CLOCK: variants seen among roughly 807,000 people sequenced by gnomAD.
CLOCK encodes the protein circadian locomoter output cycles protein kaput.
A neutral mutation model predicts 118.4 loss-of-function variants in CLOCK; 43 were observed. That is an observed-to-expected ratio of 0.36 (90% CI 0.28 to 0.47). The LOEUF is 0.47. Ranked by LOEUF, CLOCK falls within the 20% of genes least tolerant of loss-of-function variation. The pLI, the probability that CLOCK is intolerant of heterozygous loss-of-function variation, is 1.00. For synonymous variants in CLOCK, 326 were observed against 339.2 expected (o/e 0.96, Z 0.43); for missense variants, 846 against 999.9 (o/e 0.85, Z 2.08).
At chr4:55,506,810 C>T (rs996256292) in intron 2 of CLOCK, among the ~76,000 whole-genome samples, 6 of 152,146 alleles carry the variant, frequency 3.9e-5, no homozygotes, top group African/African-American at 1.2e-4. Context: ...ATCCACCCAC[C>T]TCGGCCTTCC....
At chr4:55,522,177 A>G (rs1729885205) in intron 1 of CLOCK, among the ~76,000 whole-genome samples, 1 of 152,174 alleles carries the variant, frequency 6.6e-6, no homozygotes, top group Admixed American at 6.6e-5. Context: ...TTTTAGAAGA[A>G]AACACACAAT....
chr4:55,463,772 T>A lies in CLOCK; in HGVS notation c.472A>T (p.Ile158Phe), dbSNP rs1725534885. 1 of 1,611,636 alleles carries A rather than the reference T, an allele frequency of 6.2e-7. No homozygotes were observed. Among genetic ancestry groups the A allele is most frequent in the Non-Finnish European group, 8.5e-7 (1 of 1,178,308 alleles). ...DLVDQSIFNF[I>F]PEGEHSEVYK... ...ACCTCTGAATGTTCCCCTTCTGGGATAAAATTAAATATACTTTGATCCACA... is the reference window on the plus strand; with the variant it reads ...ACCTCTGAATGTTCCCCTTCTGGGAAAAAATTAAATATACTTTGATCCACA... The change falls in exon 9 of 23, where the codon ATC becomes TTC. Residue 158 changes from isoleucine (I) to phenylalanine (F), a missense_variant. Physicochemically the swap from Ile to Phe is conservative, Grantham distance 21 (BLOSUM62 0). This residue lies in a region of CLOCK where 246 missense variants were observed against 300.2 expected (regional missense o/e 0.82). Transcript: ENST00000513440.
intron 8 of CLOCK, among the ~76,000 whole-genome samples, chr4:55,467,544 G>A (rs1214191649): frequency 6.6e-6 from 1 of 152,192 alleles, no homozygotes; most frequent in East Asian, 1.9e-4. Flanking sequence ...TGAACACATT[G>A]CAAATGATGC....
intron 2 of CLOCK, among the ~76,000 whole-genome samples, chr4:55,497,671 G>T (rs1553899271): frequency 6.6e-6 from 1 of 152,140 alleles, no homozygotes; most frequent in Non-Finnish European, 1.5e-5. Context: ...TAATGTGTAT[G>T]ACAATTCAGG....
At chr4:55,494,809 G>GA (rs1288920525) in intron 2 of CLOCK, among the ~76,000 whole-genome samples, 1 of 152,160 alleles carries the variant, frequency 6.6e-6, no homozygotes, top group Non-Finnish European at 1.5e-5. Context: ...CTACAAGCTG[G>GA]AAAAAACAAG....
chr4:55,462,004 CTG>C (rs537950089), intron 9 of CLOCK, among the ~76,000 whole-genome samples: 159 of 152,252 alleles, frequency 1.0e-3, no homozygotes, highest in Admixed American at 3.5e-3. Flanking sequence ...GCAATTTTCT[CTG>C]TGTTTTAACT....
intron 2 of CLOCK, among the ~76,000 whole-genome samples, chr4:55,503,942 C>CACTAG (rs1051469520): frequency 5.3e-5 from 7 of 132,534 alleles, no homozygotes; most frequent in African/African-American, 1.7e-4. Context: ...CATTCCAGAT[C>CACTAG]ACTAGTTTCC....
intron 1 of CLOCK, among the ~76,000 whole-genome samples, chr4:55,512,668 G>A (rs566231103): frequency 1.3e-5 from 2 of 152,046 alleles, no homozygotes; most frequent in South Asian, 4.1e-4. Context: ...ATTCTCTTAC[G>A]TTATCTTCTA....
rs745589287 is a variant in CLOCK, at chr4:55,450,055, T to C, written c.1348+36A>G. ...AGTAACTAAAAGTTTAGTTAGTTAC[T>C]TTAAAGGAAGTCTGCTTTGAAGCAA... On this transcript the variant is annotated intron_variant, in intron 16 of 22. Transcript: ENST00000513440. 2.5e-6 allele frequency: 4 copies of C among 1,613,226 alleles called. No individual in the cohort carries two copies. In the Admixed American group the frequency reaches 5.0e-5, roughly 20 times the overall value.
intron 17 of CLOCK, 99 bp from the exon 18 acceptor site, chr4:55,448,967 C>T: frequency 2.1e-6 from 2 of 953,300 alleles, no homozygotes; most frequent in Non-Finnish European, 3.3e-6. Context: ...AATAAACTTA[C>T]CATTTGCCTC....
rs570550515 is a variant in CLOCK at position 55,461,079 on chromosome 4, C to T, written c.560-1818G>A. ...GGAACTACAGACATGTGCCACCACA[C>T]CCCAGCCAACTTTTCTATTTCTCTT... On this transcript the variant is annotated intron_variant, in intron 9 of 22. Transcript: ENST00000513440. Among the ~76,000 whole-genome samples, 5 of 152,154 alleles carry T rather than the reference C, an allele frequency of 3.3e-5. No individual in the cohort carries two copies. The South Asian group carries it at 1.0e-3, about 32-fold the overall frequency.
chr4:55,503,691 G>A (rs1728577872), intron 2 of CLOCK, among the ~76,000 whole-genome samples: 1 of 151,932 alleles, frequency 6.6e-6, no homozygotes, highest in South Asian at 2.1e-4. Context: ...AAATTAAAAA[G>A]TCTAGTAAAG....
intron 22 of CLOCK, among the ~76,000 whole-genome samples, chr4:55,436,730 GATACTTA>G (rs1419367873): frequency 2.5e-4 from 38 of 152,202 alleles, no homozygotes; most frequent in African/African-American, 9.2e-4. Context: ...GCAAAGACTT[GATACTTA>G]TGAGCCTTAT....
At chr4:55,477,786 G>C (rs1577756881) in intron 6 of CLOCK, among the ~76,000 whole-genome samples, 1 of 151,884 alleles carries the variant, frequency 6.6e-6, no homozygotes, top group African/African-American at 2.4e-5. Context: ...ATAAGACTTA[G>C]GAATGTCACA....
At chr4:55,506,363 T>C (rs1277335176) in intron 2 of CLOCK, among the ~76,000 whole-genome samples, 1 of 152,066 alleles carries the variant, frequency 6.6e-6, no homozygotes, top group Non-Finnish European at 1.5e-5. Flanking sequence ...TAAATACCTT[T>C]TAAACAATCT....
intron 2 of CLOCK, among the ~76,000 whole-genome samples, chr4:55,508,170 T>C (rs1007868696): frequency 3.9e-5 from 6 of 152,210 alleles, no homozygotes; most frequent in Non-Finnish European, 8.8e-5. Flanking sequence ...CAGTGTACTT[T>C]CATCTCCAAT....
intron 11 of CLOCK, among the ~76,000 whole-genome samples, chr4:55,458,267 G>A (rs1162300698): frequency 6.6e-6 from 1 of 152,060 alleles, no homozygotes; most frequent in Non-Finnish European, 1.5e-5. Context: ...TTGTCACGTT[G>A]CCCAGGCTGG....
At chr4:55,539,571 T>TAAAA (rs1231208521) in intron 1 of CLOCK, among the ~76,000 whole-genome samples, 2 of 9,512 alleles carry the variant, frequency 2.1e-4, no homozygotes, top group Non-Finnish European at 4.4e-4. Flanking sequence ...AGACCTTGTC[T>TAAAA]CAAAAAAAAA....
intron 1 of CLOCK, among the ~76,000 whole-genome samples, chr4:55,532,654 G>C (rs1258876059): frequency 3.9e-5 from 6 of 152,082 alleles, no homozygotes; most frequent in Admixed American, 3.9e-4. Context: ...ACTGCTTGAA[G>C]CCAGGAATTT....
Sources: gnomAD v4.1 joint callset for allele counts (sites outside exome capture counted in the v4.1 genomes callset) on GRCh38, gnomAD v4.1.1 for gene constraint, gnomAD v4.1.1 regional missense constraint, MANE v1.5 for transcripts, NCBI Gene and HGNC (gene_info 2026-07-23, HGNC 2026-07-21) for gene names.